SYNJ2: variants seen among roughly 807,000 people sequenced by gnomAD.
SYNJ2 encodes synaptojanin 2, also known as polyphosphatidylinositol phosphatase SYNJ2.
A neutral mutation model predicts 141.3 loss-of-function variants in SYNJ2; 116 were observed. The ratio of observed to expected loss-of-function variants is 0.82; its 90% CI spans 0.71 to 0.96. The LOEUF (loss-of-function observed/expected upper bound fraction) is 0.96, where lower values mean the gene tolerates loss of function less well. Among genes scored for constraint, SYNJ2 ranks in the 40% least tolerant of loss-of-function variants. The pLI is 0.00. For missense variants in SYNJ2, 1,873 were observed against 1,934.8 expected (o/e 0.97, Z 0.60); for synonymous variants, 745 against 777.7 (o/e 0.96, Z 0.70).
chr6:158,060,072 G>T (rs540094851), intron 7 of SYNJ2, among the ~76,000 whole-genome samples: 2 of 152,250 alleles, frequency 1.3e-5, no homozygotes, highest in East Asian at 3.9e-4. Flanking sequence ...AGCCCCACAG[G>T]GCACCCGGCC....
At chr6:158,038,872 G>A (rs898427119) in intron 4 of SYNJ2, among the ~76,000 whole-genome samples, 2 of 152,112 alleles carry the variant, frequency 1.3e-5, no homozygotes, top group African/African-American at 4.8e-5. Flanking sequence ...AGCGTGTGCT[G>A]CGCGCAGCCC....
At chr6:158,079,212 C>A (rs1238568278) in intron 18 of SYNJ2, 1 of 152,186 alleles carries the variant, frequency 6.6e-6, no homozygotes, top group Non-Finnish European at 1.5e-5. Flanking sequence ...CAGAGGAAGA[C>A]TCACCCTGCA....
At chr6:157,997,482 G>A (rs1777677061) in intron 1 of SYNJ2, among the ~76,000 whole-genome samples, 1 of 152,182 alleles carries the variant, frequency 6.6e-6, no homozygotes. Flanking sequence ...GGCAGAGATG[G>A]GAGTGACACT....
rs999613 is a variant in SYNJ2, at chr6:158,027,197, C to T, written c.215-1559C>T. Reference sequence around the variant, plus strand: ...AAATTGGGGTGAGAGGGTGGTGGAACTGGTTGTTTTGGGGGTCTCTTCCTG... The same window carrying T: ...AAATTGGGGTGAGAGGGTGGTGGAATTGGTTGTTTTGGGGGTCTCTTCCTG... On this transcript the variant is annotated intron_variant, in intron 2 of 26. Coordinates refer to ENST00000355585, the MANE Select transcript of SYNJ2 (RefSeq NM_003898.4). This position sits in a 1 kb window ranked among gnomAD's most constrained non-coding sequence, Gnocchi z 4.6. 493,862 of 985,046 alleles carry T rather than the reference C, an allele frequency of 0.5. 126,550 individuals are homozygous for T. Among genetic ancestry groups the T allele is most frequent in the African/African-American group, 0.76 (43,779 of 57,240 alleles). 61.0% of individuals were successfully genotyped at this position (985,046 alleles called of 1,614,324 possible). A position where few individuals can be genotyped will look rare whatever the true frequency, so the allele number is the denominator to read the frequency against.
Position 158,043,174 on chromosome 6 carries a change from G to A in SYNJ2, c.712-142G>A. On this transcript the variant is annotated intron_variant, in intron 4 of 26. Transcript: ENST00000355585. This position sits in a 1 kb window ranked among gnomAD's most constrained non-coding sequence, Gnocchi z 4.0. Reference sequence around the variant, plus strand: ...GAGGTCAGGGCGCATTGCCGGATGGGGGAGCAGAGGACGCCGGAGTCCACC... The same window carrying A: ...GAGGTCAGGGCGCATTGCCGGATGGAGGAGCAGAGGACGCCGGAGTCCACC... 2 of 661,388 alleles carry A rather than the reference G, an allele frequency of 3.0e-6. No individual in the cohort carries two copies. Among genetic ancestry groups the A allele is most frequent in the Non-Finnish European group, 2.6e-6 (1 of 378,676 alleles). 41.0% of individuals were successfully genotyped at this position (661,388 alleles called of 1,614,324 possible).
At chr6:157,985,784 C>G (rs780162691) in intron 1 of SYNJ2, among the ~76,000 whole-genome samples, 19 of 152,220 alleles carry the variant, frequency 1.2e-4, no homozygotes, top group Admixed American at 7.2e-4. Context: ...TGCCTCCTGC[C>G]GCCCAGCCGG....
chr6:158,072,946 A>C (rs1321941978), intron 15 of SYNJ2, among the ~76,000 whole-genome samples: 1 of 151,438 alleles, frequency 6.6e-6, no homozygotes, highest in Admixed American at 6.6e-5. Flanking sequence ...GGTGGCGTGC[A>C]CCTGTAATCC....
Position 158,096,244 on chromosome 6 carries a change from A to C in SYNJ2, c.4371A>C (p.Ser1457=). ...DPIDPVSAGA[S]AAKAELPPDH... Reference sequence around the variant, plus strand: ...TAGACCCAGTGTCAGCTGGCGCTTCAGCTGCCAAGGCAGAGCTGCCACCAG... The same window carrying C: ...TAGACCCAGTGTCAGCTGGCGCTTCCGCTGCCAAGGCAGAGCTGCCACCAG... The change falls in exon 27 of 27, where the codon TCA becomes TCC. Residue 1457 remains serine, a synonymous_variant. Coordinates refer to ENST00000355585, the MANE Select transcript of SYNJ2 (RefSeq NM_003898.4). 6.2e-7 allele frequency: 1 copy of C among 1,614,272 alleles called. No individual in the cohort carries two copies. Among genetic ancestry groups the C allele is most frequent in the Non-Finnish European group, 8.5e-7 (1 of 1,180,050 alleles).
At chr6:158,095,582 CT>C in intron 26 of SYNJ2, 35 bp from the exon 27 acceptor site, 1 of 1,537,480 alleles carries the variant, frequency 6.5e-7, no homozygotes, top group Non-Finnish European at 8.7e-7. Context: ...TAGTTATTGG[CT>C]TCTTATTTAC....
At chr6:158,075,850 T>C (rs148066674) in intron 16 of SYNJ2, among the ~76,000 whole-genome samples, 1,563 of 152,260 alleles carry the variant, frequency 0.01, 31 homozygotes, top group African/African-American at 0.035. Flanking sequence ...CTCTCAGTGA[T>C]GCCCAAGAGA....
rs895981504 is a variant in SYNJ2 at position 158,068,046 on chromosome 6, C to T, written c.1718-601C>T. On this transcript the variant is annotated intron_variant, in intron 12 of 26. Transcript: ENST00000355585. ...AGACACTAGCAGGCTCCCCAGCAGT[C>T]CCACTAGAGATACACCAGGTTCCAG... 5.3e-6 allele frequency: 5 copies of T among 938,816 alleles called. No individual in the cohort carries two copies. In the African/African-American group the frequency reaches 9.0e-5, roughly 17 times the overall value. The allele number at this position is 938,816 out of a possible 1,614,324, so 58.2% of individuals were successfully genotyped here.
chr6:158,029,111 C>G (rs1010442864), intron 3 of SYNJ2, 85 bp downstream of exon 3: 2 of 1,259,320 alleles, frequency 1.6e-6, no homozygotes, highest in African/African-American at 5.6e-5. Context: ...GCCTTGACCT[C>G]CACTTGCACC....
intron 1 of SYNJ2, among the ~76,000 whole-genome samples, chr6:158,000,774 C>A (rs377123710): frequency 6.6e-6 from 1 of 152,084 alleles, no homozygotes; most frequent in Admixed American, 6.5e-5. Flanking sequence ...AGCACGCACT[C>A]CCCCCAAGCT....
chr6:157,995,550 G>A (rs1390811088), intron 1 of SYNJ2, among the ~76,000 whole-genome samples: 1 of 152,240 alleles, frequency 6.6e-6, no homozygotes, highest in East Asian at 1.9e-4. Context: ...AGATCCTGAA[G>A]CATCTGTGCG....
At chr6:158,054,851 G>A in intron 5 of SYNJ2, 116 bp from the exon 6 acceptor site, 1 of 982,672 alleles carries the variant, frequency 1.0e-6, no homozygotes, top group Non-Finnish European at 1.5e-6. Context: ...CACAGAGGTG[G>A]CCTAGTGGGT....
chr6:158,078,209 A>C lies in SYNJ2; in HGVS notation c.2495A>C (p.Lys832Thr). 1 of 1,614,090 alleles carries C rather than the reference A, an allele frequency of 6.2e-7. No individual in the cohort carries two copies. Among genetic ancestry groups the C allele is most frequent in the South Asian group, 1.1e-5 (1 of 91,070 alleles). Reference protein sequence around the residue: ...LLDSDLDVDTKVRHTWSPGAL... With the variant: ...LLDSDLDVDTTVRHTWSPGAL... Reference sequence around the variant, plus strand: ...GACAGTGATCTAGATGTTGACACCAAAGTCAGACACACCTGGTCTCCTGGT... The same window carrying C: ...GACAGTGATCTAGATGTTGACACCACAGTCAGACACACCTGGTCTCCTGGT... The change falls in exon 18 of 27, where the codon AAA (lysine) becomes ACA (threonine). Residue 832 changes from lysine (K) to threonine (T), a missense_variant. Physicochemically the swap from Lys to Thr is moderately conservative, Grantham distance 78 (BLOSUM62 -1). Coordinates refer to ENST00000355585, the MANE Select transcript of SYNJ2 (RefSeq NM_003898.4).
intron 1 of SYNJ2, among the ~76,000 whole-genome samples, chr6:157,993,025 T>C (rs922453301): frequency 1.3e-5 from 2 of 152,220 alleles, no homozygotes; most frequent in African/African-American, 4.8e-5. Flanking sequence ...TCCAAACTGT[T>C]CTCCATAGTG....
chr6:158,017,402 CT>C (rs1778516100), intron 2 of SYNJ2, 112 bp downstream of exon 2: 19 of 890,706 alleles, frequency 2.1e-5, no homozygotes, highest in African/African-American at 1.1e-4. Flanking sequence ...TTCTCTCTCT[CT>C]TCTTTTTTTT....
chr6:158,090,241 G>A (rs1005492174), intron 25 of SYNJ2, among the ~76,000 whole-genome samples: 14 of 152,158 alleles, frequency 9.2e-5, no homozygotes, highest in African/African-American at 2.9e-4. Context: ...GAATGCTGCC[G>A]GCATGAAGTC....
Sources: allele counts gnomAD v4.1 joint callset (sites outside exome capture counted in the v4.1 genomes callset), GRCh38; gene constraint gnomAD v4.1.1; non-coding constraint Gnocchi (gnomAD v3.1); transcripts MANE v1.5; gene names NCBI Gene and HGNC (gene_info 2026-07-23, HGNC 2026-07-21).